RAPGEF4: variants seen among roughly 807,000 people sequenced by gnomAD.
The protein encoded by RAPGEF4 is Rap guanine nucleotide exchange factor 4.
A neutral mutation model predicts 147.9 loss-of-function variants in RAPGEF4; 66 were observed. The observed-to-expected ratio is 0.45, with a 90% CI of 0.37 to 0.55. The LOEUF (loss-of-function observed/expected upper bound fraction) is 0.55, where lower values mean the gene tolerates loss of function less well. Among genes scored for constraint, RAPGEF4 ranks in the 20% least tolerant of loss-of-function variants. RAPGEF4 has a pLI of 0.00. For synonymous variants in RAPGEF4, 419 were observed against 442.7 expected (o/e 0.95, Z 0.67); for missense variants, 1,071 against 1,257.3 (o/e 0.85, Z 2.24).
At chr2:172,804,550 T>A (rs1297125562) in intron 3 of RAPGEF4, among the ~76,000 whole-genome samples, 1 of 152,164 alleles carries the variant, frequency 6.6e-6, no homozygotes, top group Non-Finnish European at 1.5e-5. Flanking sequence ...GACGCAGTGG[T>A]GAGCCTGGGA....
chr2:173,018,670 T>C lies in RAPGEF4; in HGVS notation c.2023T>C (p.Tyr675His), dbSNP rs748659306. 1 of 1,614,096 alleles carries C rather than the reference T, an allele frequency of 6.2e-7. No homozygotes were observed. The highest frequency in any genetic ancestry group is 8.5e-7 in the Non-Finnish European group (1 of 1,180,004). ...RGSDEVLFKV[Y>H]CMDHTYTTIR... ...CCTTTGGATAGTTCTGTTTAAGGTC[T>C]ATTGCATGGACCACACCTACACAAC... Residue 675 changes from tyrosine (Y) to histidine (H), a missense_variant, in exon 22 of 31, where the codon TAT (tyrosine) becomes CAT (histidine). Tyr to His is a moderately conservative substitution (Grantham distance 83). Transcript: ENST00000397081.
At chr2:172,938,848 G>A (rs758291328) in intron 6 of RAPGEF4, among the ~76,000 whole-genome samples, 6 of 152,064 alleles carry the variant, frequency 3.9e-5, no homozygotes, top group South Asian at 2.1e-4. Context: ...ATCTTCTTCC[G>A]TGTCTGAAGC....
At chr2:172,807,259 G>GA (rs1192126151) in intron 3 of RAPGEF4, among the ~76,000 whole-genome samples, 2 of 152,198 alleles carry the variant, frequency 1.3e-5, no homozygotes, top group Non-Finnish European at 2.9e-5. Context: ...CACAATGCTG[G>GA]ACAGACTGGC....
At chr2:172,736,138 C>A in intron 1 of RAPGEF4, 90 bp downstream of exon 1, 2 of 1,084,588 alleles carry the variant, frequency 1.8e-6, no homozygotes, top group Non-Finnish European at 2.4e-6. Context: ...GGGCGCAGCG[C>A]GGCCGGGCTG....
chr2:172,918,053 T>C (rs1267781879), intron 5 of RAPGEF4, 179 bp downstream of exon 5: 2 of 751,472 alleles, frequency 2.7e-6, no homozygotes, highest in Admixed American at 1.8e-5. Flanking sequence ...AATATAGTAT[T>C]AGTCTGTGGT....
intron 1 of RAPGEF4, among the ~76,000 whole-genome samples, chr2:172,747,332 T>C (rs768302690): frequency 6.6e-6 from 1 of 152,222 alleles, no homozygotes; most frequent in Non-Finnish European, 1.5e-5. Flanking sequence ...CTCATATAGT[T>C]ACCTAGTATG....
At chr2:173,017,533 GTTGTATAGATTAT>G in intron 21 of RAPGEF4, 29 bp downstream of exon 21, 1 of 1,580,078 alleles carries the variant, frequency 6.3e-7, no homozygotes, top group Non-Finnish European at 8.7e-7. Flanking sequence ...CTAACTCGTA[GTTGTATAGATTAT>G]TTAGTCAGGA....
chr2:172,945,220 T>C (rs999066044), intron 6 of RAPGEF4, among the ~76,000 whole-genome samples: 2 of 152,308 alleles, frequency 1.3e-5, no homozygotes, highest in South Asian at 2.1e-4. Context: ...ATGAACTTGA[T>C]ATTTTATGTA....
chr2:172,748,437 G>A (rs1460538602), intron 1 of RAPGEF4, among the ~76,000 whole-genome samples: 1 of 152,150 alleles, frequency 6.6e-6, no homozygotes, highest in Non-Finnish European at 1.5e-5. Flanking sequence ...TGGCAGGCAA[G>A]GGAGAGAAAG....
chr2:172,795,238 T>G, intron 2 of RAPGEF4, 71 bp downstream of exon 2: 1 of 1,452,726 alleles, frequency 6.9e-7, no homozygotes, highest in African/African-American at 1.4e-5. Context: ...TTTATGGAGA[T>G]AAATAGCAAA....
At chr2:172,912,560 T>C (rs1323157702) in intron 4 of RAPGEF4, among the ~76,000 whole-genome samples, 20 of 152,202 alleles carry the variant, frequency 1.3e-4, no homozygotes. Context: ...CTTTCTAACT[T>C]TGAAAATATT....
chr2:172,822,148 T>A (rs1280798142), intron 4 of RAPGEF4, among the ~76,000 whole-genome samples: 1 of 152,140 alleles, frequency 6.6e-6, no homozygotes, highest in Non-Finnish European at 1.5e-5. Context: ...TCATCTTTGT[T>A]TGTGGTGTGT....
chr2:172,767,513 T>C (rs76878703), intron 1 of RAPGEF4, among the ~76,000 whole-genome samples: 1 of 152,098 alleles, frequency 6.6e-6, no homozygotes. Flanking sequence ...TATAAACATA[T>C]GCATGGACAG....
chr2:173,024,776 A>C (rs1575549091), intron 23 of RAPGEF4, among the ~76,000 whole-genome samples: 1 of 152,240 alleles, frequency 6.6e-6, no homozygotes, highest in Non-Finnish European at 1.5e-5. Context: ...CTGGTCTATT[A>C]TCTAGTCTAT....
chr2:173,044,228 C>A (rs1037198866), intron 29 of RAPGEF4, among the ~76,000 whole-genome samples: 1 of 142,378 alleles, frequency 7.0e-6, no homozygotes, highest in Non-Finnish European at 1.5e-5. Context: ...AAGGTAGCTT[C>A]CCGGTCATTG....
chr2:172,978,990 A>G (rs1262026916), intron 10 of RAPGEF4, among the ~76,000 whole-genome samples: 1 of 152,246 alleles, frequency 6.6e-6, no homozygotes. Flanking sequence ...GCTGATCTCA[A>G]CATAGGTACT....
At chr2:172,799,607 C>T (rs781151477) in intron 3 of RAPGEF4, among the ~76,000 whole-genome samples, 110 of 152,260 alleles carry the variant, frequency 7.2e-4, no homozygotes, top group Non-Finnish European at 1.3e-3. Context: ...TCCCTGGGGA[C>T]AGGGCCTACA....
intron 4 of RAPGEF4, among the ~76,000 whole-genome samples, chr2:172,887,807 C>G (rs1405789668): frequency 1.3e-5 from 2 of 152,110 alleles, no homozygotes; most frequent in African/African-American, 2.4e-5. Context: ...AAAAGCCACT[C>G]TCCCCTTTCC....
chr2:172,983,387 G>A, intron 10 of RAPGEF4, 109 bp from the exon 11 acceptor site: 1 of 1,504,908 alleles, frequency 6.6e-7, no homozygotes, highest in Non-Finnish European at 8.8e-7. Context: ...ATATCTTCTT[G>A]TGCAGAAGAA....
Sources: allele counts gnomAD v4.1 joint callset (sites outside exome capture counted in the v4.1 genomes callset), GRCh38; gene constraint gnomAD v4.1.1; transcripts MANE v1.5; gene names NCBI Gene and HGNC (gene_info 2026-07-23, HGNC 2026-07-21).